SNX31: variants seen among roughly 807,000 people sequenced by gnomAD.
The protein encoded by SNX31 is sorting nexin-31.
In SNX31, 58 loss-of-function variants were observed where a neutral mutation model predicts 65.4. The observed-to-expected ratio is 0.89, with a 90% CI of 0.72 to 1.10. SNX31 has a LOEUF of 1.10. Among genes scored for constraint, SNX31 ranks in the 50% least tolerant of loss-of-function variants. SNX31 has a pLI of 0.00. For synonymous variants in SNX31, 181 were observed against 190.1 expected (o/e 0.95, Z 0.39); for missense variants, 523 against 529.7 (o/e 0.99, Z 0.12).
At chr8:100,615,638 C>T (rs1042978283) in intron 5 of SNX31, among the ~76,000 whole-genome samples, 1 of 152,218 alleles carries the variant, frequency 6.6e-6, no homozygotes, top group African/African-American at 2.4e-5. Context: ...GACGGTATGG[C>T]CCGCTGTTCC....
intron 5 of SNX31, among the ~76,000 whole-genome samples, chr8:100,616,009 C>T (rs1202902177): frequency 2.6e-5 from 4 of 152,068 alleles, no homozygotes; most frequent in Admixed American, 6.5e-5. Flanking sequence ...CTCCTGACCT[C>T]GTGATCCGCC....
chr8:100,659,618 T>G (rs1467343357), intron 1 of SNX31, among the ~76,000 whole-genome samples: 3 of 46,944 alleles, frequency 6.4e-5, no homozygotes, highest in Non-Finnish European at 6.8e-5. Context: ...TTTTTAAGTG[T>G]TTTTTTTGTA....
intron 10 of SNX31, among the ~76,000 whole-genome samples, chr8:100,595,034 T>A (rs1013034418): frequency 6.6e-6 from 1 of 152,178 alleles, no homozygotes; most frequent in African/African-American, 2.4e-5. Context: ...AGAGCAAAAA[T>A]GAGCCAATCC....
At chr8:100,598,644 T>C (rs1254582987) in intron 9 of SNX31, among the ~76,000 whole-genome samples, 1 of 152,096 alleles carries the variant, frequency 6.6e-6, no homozygotes, top group East Asian at 1.9e-4. Context: ...CTACAAGGAT[T>C]CTCTACTTGA....
intron 2 of SNX31, among the ~76,000 whole-genome samples, chr8:100,644,748 T>C (rs111502799): frequency 0.016 from 2,397 of 152,390 alleles, 27 homozygotes; most frequent in Middle Eastern, 0.044. Context: ...CACTGCAATC[T>C]GTGCCTCCTG....
intron 12 of SNX31, among the ~76,000 whole-genome samples, chr8:100,580,679 C>G (rs1324990078): frequency 6.6e-6 from 1 of 152,192 alleles, no homozygotes; most frequent in East Asian, 1.9e-4. Context: ...AAGCCACATA[C>G]AGAAGATCCA....
At position 100,633,916 on chromosome 8, in the gene SNX31, T is replaced by G. The variant is rs1350238285; in HGVS notation, c.256+1981A>C. On this transcript the variant is annotated intron_variant, in intron 3 of 13. Transcript: ENST00000311812. ...TCTGAAAATCAGCTACAGAAAAGTA[T>G]GTATAGTAAAGTTCAATTTGTGTTG... Among the ~76,000 whole-genome samples, 3 of 152,208 alleles carry G rather than the reference T, an allele frequency of 2.0e-5. No individual in the cohort carries two copies. The East Asian group carries it at 5.8e-4, about 29-fold the overall frequency.
chr8:100,619,633 C>G (rs948256771), intron 4 of SNX31, among the ~76,000 whole-genome samples: 1 of 152,220 alleles, frequency 6.6e-6, no homozygotes, highest in Non-Finnish European at 1.5e-5. Context: ...CCTTGCAGGG[C>G]AGCGATCTGG....
At chr8:100,653,799 C>A (rs928404750), upstream of SNX31, among the ~76,000 whole-genome samples, 1 of 152,168 alleles carries the variant, frequency 6.6e-6, no homozygotes. Flanking sequence ...AGCCCCTGGC[C>A]GTGTGCGCAT....
At chr8:100,616,881 T>C (rs1233152688) in intron 5 of SNX31, among the ~76,000 whole-genome samples, 1 of 152,188 alleles carries the variant, frequency 6.6e-6, no homozygotes, top group Non-Finnish European at 1.5e-5. Flanking sequence ...ACTTTCTGAC[T>C]CTTCTTCATG....
At chr8:100,632,541 T>C (rs1228730048) in intron 3 of SNX31, among the ~76,000 whole-genome samples, 1 of 152,128 alleles carries the variant, frequency 6.6e-6, no homozygotes, top group African/African-American at 2.4e-5. Flanking sequence ...TATATATTTT[T>C]TAAGAGAAAA....
intron 3 of SNX31, among the ~76,000 whole-genome samples, chr8:100,634,206 G>T (rs936651727): frequency 6.6e-6 from 1 of 152,122 alleles, no homozygotes; most frequent in African/African-American, 2.4e-5. Flanking sequence ...GGACCCAGGC[G>T]AAGGGCAAGC....
In SNX31 at chr8:100,612,087, A is replaced by G. The variant is rs760209050; in HGVS notation, c.524T>C (p.Val175Ala). The change falls in exon 7 of 14, where the codon GTT (valine) becomes GCT (alanine). Residue 175 changes from valine to alanine, a missense_variant and splice_region_variant. Coordinates refer to ENST00000311812, the MANE Select transcript of SNX31 (RefSeq NM_152628.4). This position sits in a 1 kb window ranked among gnomAD's most constrained non-coding sequence, Gnocchi z 4.3. ...TTCAAAGTCAGCCAATTTTTTCACAACTAGAGAAAGGAGAAAGCCGGTCTT... is the reference window on the plus strand; with the variant it reads ...TTCAAAGTCAGCCAATTTTTTCACAGCTAGAGAAAGGAGAAAGCCGGTCTT... ...IRFGKEGKLS[V>A]VKKLADFELP... 6.2e-7 allele frequency: 1 copy of G among 1,612,210 alleles called. No homozygotes were observed. The highest frequency in any genetic ancestry group is 8.5e-7 in the Non-Finnish European group (1 of 1,178,312).
upstream of SNX31, among the ~76,000 whole-genome samples, chr8:100,653,457 C>G (rs964184593): frequency 3.3e-5 from 5 of 152,136 alleles, no homozygotes; most frequent in Non-Finnish European, 7.4e-5. Context: ...TTAGCGTATC[C>G]TTATAAGGCA....
chr8:100,662,774 CA>C (rs1809808672), intron 1 of SNX31, among the ~76,000 whole-genome samples: 1 of 152,188 alleles, frequency 6.6e-6, no homozygotes, highest in African/African-American at 2.4e-5. Context: ...GTCCCCTCTA[CA>C]ATATCAATTT....
intron 2 of SNX31, among the ~76,000 whole-genome samples, chr8:100,644,663 T>G (rs1819504869): frequency 6.6e-6 from 1 of 152,184 alleles, no homozygotes; most frequent in African/African-American, 2.4e-5. Flanking sequence ...CCAGCTTTTC[T>G]TTGTTTTGGT....
chr8:100,574,798 G>A (rs1000285701), intron 13 of SNX31, among the ~76,000 whole-genome samples: 36 of 152,166 alleles, frequency 2.4e-4, no homozygotes, highest in African/African-American at 8.4e-4. Context: ...GCCGGATGTG[G>A]TGGTGCACAC....
chr8:100,650,696 T>C (rs1490118559), upstream of SNX31, among the ~76,000 whole-genome samples: 2 of 152,164 alleles, frequency 1.3e-5, no homozygotes, highest in Non-Finnish European at 2.9e-5. Context: ...TTGACAGTTC[T>C]GGTCTTATAG....
intron 3 of SNX31, among the ~76,000 whole-genome samples, chr8:100,635,269 T>G (rs958503220): frequency 6.6e-6 from 1 of 152,022 alleles, no homozygotes; most frequent in Non-Finnish European, 1.5e-5. Flanking sequence ...AGTCACTGTC[T>G]TGCTGTGTCA....
Sources: gnomAD v4.1 joint callset for allele counts (sites outside exome capture counted in the v4.1 genomes callset) on GRCh38, gnomAD v4.1.1 for gene constraint, Gnocchi (gnomAD v3.1) non-coding constraint, MANE v1.5 for transcripts, NCBI Gene and HGNC (gene_info 2026-07-23, HGNC 2026-07-21) for gene names.